The following GRM5 variants were observed in gnomAD, a reference collection of about 807,000 sequenced individuals.
The protein encoded by GRM5 is metabotropic glutamate receptor 5.
In GRM5, 19 loss-of-function variants were observed where a neutral mutation model predicts 83.1. The observed-to-expected ratio is 0.23, with a 90% CI of 0.16 to 0.34. The LOEUF (loss-of-function observed/expected upper bound fraction) is 0.34. GRM5 is among the 10% of genes least tolerant of loss of function. The pLI is 1.00. For synonymous variants in GRM5, 675 were observed against 633.6 expected, an observed-to-expected ratio of 1.07 and a Z score of -0.98; for missense variants, 1,160 against 1,588.3, an observed-to-expected ratio of 0.73 and a Z score of 4.58.
In GRM5 at chr11:89,047,807, G is replaced by C. The variant is rs773028067; in HGVS notation, c.66C>G (p.Ser22=). The C allele has an allele frequency of 3.7e-6, 6 of 1,613,570 alleles. No homozygotes were observed. The highest frequency in any genetic ancestry group is 5.1e-6 in the Non-Finnish European group (6 of 1,179,674). ...TGTGAGCCACCACCCTCCTCTCACT[G>C]GACTGTGCACTCCCACGGACATCTT... ...LKEDVRGSAQ[S]SERRVVAHMP... is the part of the protein sequence containing the mutation. The change falls in exon 2 of 10, where the codon TCC becomes TCG. Residue 22 remains serine (S), a synonymous_variant. Transcript: ENST00000305447. The surrounding 1 kb of genome is among the most constrained non-coding windows in gnomAD (Gnocchi z 5.1).
intron 2 of GRM5, chr11:88,925,923 AG>A (rs1299802595): frequency 7.2e-6 from 2 of 277,540 alleles, no homozygotes; most frequent in Non-Finnish European, 1.5e-5. Flanking sequence ...AAAATAAAAA[AG>A]TGAGGCACAT....
intron 2 of GRM5, among the ~76,000 whole-genome samples, chr11:88,927,228 T>C (rs1945805046): frequency 7.5e-6 from 1 of 133,336 alleles, no homozygotes; most frequent in African/African-American, 2.6e-5. Flanking sequence ...TGGCCTTATT[T>C]CGATTCTTCT....
At chr11:88,960,925 G>A (rs1265872233) in intron 2 of GRM5, among the ~76,000 whole-genome samples, 2 of 152,096 alleles carry the variant, frequency 1.3e-5, no homozygotes, top group African/African-American at 2.4e-5. Context: ...GTTTTTAACA[G>A]ATATTAGCAC....
intron 3 of GRM5, among the ~76,000 whole-genome samples, chr11:88,793,108 T>C (rs1198139516): frequency 6.6e-6 from 1 of 152,126 alleles, no homozygotes; most frequent in Non-Finnish European, 1.5e-5. Context: ...CAGACTCTTA[T>C]CTCCAAATTG....
chr11:88,936,457 T>C (rs1479294731), intron 2 of GRM5, among the ~76,000 whole-genome samples: 7 of 151,908 alleles, frequency 4.6e-5, no homozygotes, highest in African/African-American at 1.7e-4. Flanking sequence ...CTTTTTCTCA[T>C]TATAATCTCT....
Position 88,851,340 on chromosome 11 carries a change from A to C in GRM5, c.662-1185T>G, listed in dbSNP as rs188567559. Among the ~76,000 whole-genome samples the C allele has an allele frequency of 2.0e-5, 3 of 152,296 alleles. No homozygotes were observed. The East Asian group carries it at 5.8e-4, about 29-fold the overall frequency. On this transcript the variant is annotated intron_variant, in intron 2 of 9. Transcript: ENST00000305447. Reference sequence around the variant, plus strand: ...TAACCAAGCTGTAGAACATATAAGGATGTGACTGACTTAAAAATCAACTTG... The same window carrying C: ...TAACCAAGCTGTAGAACATATAAGGCTGTGACTGACTTAAAAATCAACTTG...
rs569676621 is a variant in GRM5 at position 88,980,309 on chromosome 11, T to C, written c.661+66903A>G. 6.6e-4 allele frequency among the ~76,000 whole-genome samples: 101 copies of C among 152,254 alleles called. 1 individual carries two copies. The highest frequency in any genetic ancestry group is 1.5e-3 in the South Asian group (7 of 4,820). ...AGTAGTTAACAAAAAATAAATTATA[T>C]CTAGGCAATGTTTGTTAATGAAATT... On this transcript the variant is annotated intron_variant, in intron 2 of 9. Transcript: ENST00000305447.
chr11:88,656,595 T>C (rs559356686), intron 3 of GRM5, among the ~76,000 whole-genome samples: 1 of 152,118 alleles, frequency 6.6e-6, no homozygotes, highest in African/African-American at 2.4e-5. Flanking sequence ...ATCTTTTGCA[T>C]GTTCGTGTTT....
chr11:88,979,811 A>G (rs1787306800), intron 2 of GRM5, among the ~76,000 whole-genome samples: 1 of 152,058 alleles, frequency 6.6e-6, no homozygotes, highest in Non-Finnish European at 1.5e-5. Context: ...TAGGGGCTTG[A>G]GCCGAAATCA....
At chr11:88,615,103 G>A (rs1453124313) in intron 4 of GRM5, among the ~76,000 whole-genome samples, 1 of 152,056 alleles carries the variant, frequency 6.6e-6, no homozygotes, top group Non-Finnish European at 1.5e-5. Context: ...GCTGACGGAT[G>A]TACATGTTTG....
chr11:89,024,758 A>T (rs1439903917), intron 2 of GRM5, among the ~76,000 whole-genome samples: 1 of 152,194 alleles, frequency 6.6e-6, no homozygotes, highest in Non-Finnish European at 1.5e-5. Flanking sequence ...TACCTTGGCC[A>T]ATAAGCTTGA....
At chr11:89,020,756 A>G (rs564817399) in intron 2 of GRM5, among the ~76,000 whole-genome samples, 1 of 152,232 alleles carries the variant, frequency 6.6e-6, no homozygotes, top group Non-Finnish European at 1.5e-5. Context: ...ATAATGTGTG[A>G]CATACATTTA....
intron 3 of GRM5, among the ~76,000 whole-genome samples, chr11:88,800,772 T>C (rs1943376619): frequency 6.6e-6 from 1 of 152,140 alleles, no homozygotes; most frequent in African/African-American, 2.4e-5. Context: ...GAGCAACACA[T>C]TCCTTATGCA....
rs1446598741 is a variant in GRM5 at position 88,935,717 on chromosome 11, C to T, written c.662-85562G>A. Among the ~76,000 whole-genome samples the T allele has an allele frequency of 2.0e-5, 3 of 151,850 alleles. 1 individual carries two copies. The highest frequency in any genetic ancestry group is 4.4e-5 in the Non-Finnish European group (3 of 67,884). ...AAAGGGAAATACTCTTTTTGAAGAC[C>T]TTCAAAGGAATACATATTTTACAGG... On this transcript the variant is annotated intron_variant, in intron 2 of 9. Coordinates refer to ENST00000305447, the MANE Select transcript of GRM5 (RefSeq NM_001143831.3).
chr11:88,525,697 T>G (rs2135108727), intron 8 of GRM5, among the ~76,000 whole-genome samples: 1 of 152,352 alleles, frequency 6.6e-6, no homozygotes, highest in Non-Finnish European at 1.5e-5. Flanking sequence ...AGGTGTGCAA[T>G]TTCTAGCATC....
intron 3 of GRM5, among the ~76,000 whole-genome samples, chr11:88,780,084 C>G (rs557312897): frequency 1.3e-5 from 2 of 152,270 alleles, no homozygotes; most frequent in South Asian, 2.1e-4. Context: ...CCCTTCCTGA[C>G]CTGCACAGAT....
intron 4 of GRM5, among the ~76,000 whole-genome samples, chr11:88,612,228 TG>T (rs1335827327): frequency 6.7e-6 from 1 of 148,392 alleles, no homozygotes; most frequent in Non-Finnish European, 1.5e-5. Flanking sequence ...TTTGGTTTTT[TG>T]TTCCTGCGAT....
chr11:88,779,199 G>C (rs1591510000), intron 3 of GRM5, among the ~76,000 whole-genome samples: 1 of 152,150 alleles, frequency 6.6e-6, no homozygotes, highest in Non-Finnish European at 1.5e-5. Context: ...AACTGCTTCT[G>C]AACACATGAA....
At chr11:88,618,282 A>C (rs1431418854) in intron 4 of GRM5, among the ~76,000 whole-genome samples, 1 of 152,212 alleles carries the variant, frequency 6.6e-6, no homozygotes, top group African/African-American at 2.4e-5. Context: ...AAACGTCCAG[A>C]ATATGGCAAC....
Sources: allele counts gnomAD v4.1 joint callset (sites outside exome capture counted in the v4.1 genomes callset), GRCh38; gene constraint gnomAD v4.1.1; non-coding constraint Gnocchi (gnomAD v3.1); transcripts MANE v1.5; gene names NCBI Gene and HGNC (gene_info 2026-07-23, HGNC 2026-07-21).